Variants in AUTS2 observed in about 807,000 individuals in gnomAD.
The protein encoded by AUTS2 is activator of transcription and developmental regulator AUTS2, also known as autism susceptibility gene 2 protein.
AUTS2 carries 17 observed loss-of-function variants against 112.4 expected under a neutral mutation model. The ratio of observed to expected loss-of-function variants is 0.15; its 90% CI spans 0.10 to 0.23. AUTS2 has a LOEUF of 0.23. AUTS2 is among the 10% of genes least tolerant of loss of function. AUTS2 has a pLI of 1.00. For missense variants in AUTS2, 1,510 were observed against 1,701.6 expected (o/e 0.89, Z 1.98); for synonymous variants, 751 against 702.7 (o/e 1.07, Z -1.09).
chr7:69,817,258 G>A (rs937759936), intron 1 of AUTS2, among the ~76,000 whole-genome samples: 2 of 152,198 alleles, frequency 1.3e-5, no homozygotes, highest in Non-Finnish European at 2.9e-5. Context: ...GAAGCTTGAA[G>A]GATGAACAGC....
At chr7:70,565,047 G>A (rs1295898205) in intron 5 of AUTS2, among the ~76,000 whole-genome samples, 11 of 152,094 alleles carry the variant, frequency 7.2e-5, no homozygotes, top group Admixed American at 3.3e-4. Context: ...GCAGTGAGCC[G>A]AGGTCGTGCC....
At chr7:70,743,468 C>CA (rs35444664) in intron 6 of AUTS2, among the ~76,000 whole-genome samples, 9,241 of 71,050 alleles carry the variant, frequency 0.13, 783 homozygotes, top group East Asian at 0.24. Context: ...GACTCTGTCT[C>CA]AAAAAAAAAA....
chr7:69,650,343 T>C (rs1208827269), intron 1 of AUTS2, among the ~76,000 whole-genome samples: 1 of 152,196 alleles, frequency 6.6e-6, no homozygotes, highest in Non-Finnish European at 1.5e-5. Context: ...ATTTTAGATA[T>C]ACTTTCTCAA....
chr7:69,715,139 C>A (rs1376271109), intron 1 of AUTS2, among the ~76,000 whole-genome samples: 2 of 150,920 alleles, frequency 1.3e-5, no homozygotes, highest in African/African-American at 2.4e-5. Context: ...CCTGAGAAAT[C>A]CCTCACTTAG....
At chr7:69,824,142 G>A (rs1305423960) in intron 1 of AUTS2, among the ~76,000 whole-genome samples, 1 of 151,884 alleles carries the variant, frequency 6.6e-6, no homozygotes, top group Non-Finnish European at 1.5e-5. Flanking sequence ...GGCTGGGCAC[G>A]GTGGCTCACG....
Position 70,784,969 on chromosome 7 carries a change from T to C in AUTS2, c.2174T>C (p.Phe725Ser), listed in dbSNP as rs1352802517. 13 of 1,614,136 alleles carry C rather than the reference T, an allele frequency of 8.1e-6. No individual in the cohort carries two copies. The highest frequency in any genetic ancestry group is 1.1e-5 in the Non-Finnish European group (13 of 1,180,028). ...AGAAHPTGTP[F>S]GPPPHHSNFL... Reference sequence around the variant, plus strand: ...GCTGCACACCCAACTGGGACCCCTTTTGGGCCACCTCCTCATCACAGCAAC... The same window carrying C: ...GCTGCACACCCAACTGGGACCCCTTCTGGGCCACCTCCTCATCACAGCAAC... Residue 725 changes from phenylalanine (F) to serine (S), a missense_variant, in exon 16 of 19, where the codon TTT (phenylalanine) becomes TCT (serine). Phe to Ser is a radical substitution (Grantham distance 155). Transcript: ENST00000342771.
chr7:69,997,738 C>G (rs1225828047), intron 2 of AUTS2, among the ~76,000 whole-genome samples: 1 of 152,114 alleles, frequency 6.6e-6, no homozygotes, highest in African/African-American at 2.4e-5. Context: ...GAACACCAAG[C>G]CATTCATGAA....
At chr7:70,592,518 T>A (rs1234855483) in intron 5 of AUTS2, among the ~76,000 whole-genome samples, 3 of 152,036 alleles carry the variant, frequency 2.0e-5, no homozygotes, top group African/African-American at 7.2e-5. Context: ...TGTGCCACCA[T>A]ACCCAGTTAA....
At chr7:70,538,257 G>A (rs1800403685) in intron 5 of AUTS2, among the ~76,000 whole-genome samples, 1 of 152,118 alleles carries the variant, frequency 6.6e-6, no homozygotes, top group Non-Finnish European at 1.5e-5. Flanking sequence ...TCCAGGCGTG[G>A]TGGCTCATGC....
chr7:70,791,153 A>G lies in AUTS2; in HGVS notation c.*157A>G, dbSNP rs771233407. ...GTATAGACTCAGTGCACATTTTGAAATGTTTTGTATATTATATGTTGAGAT... is the reference window on the plus strand; with the variant it reads ...GTATAGACTCAGTGCACATTTTGAAGTGTTTTGTATATTATATGTTGAGAT... On this transcript the variant is annotated 3_prime_UTR_variant, in exon 19 of 19. Transcript: ENST00000342771. The G allele has an allele frequency of 3.3e-5, 22 of 672,192 alleles. No individual in the cohort carries two copies. The Admixed American group carries it at 7.1e-4, about 22-fold the overall frequency. 41.6% of individuals were successfully genotyped at this position (672,192 alleles called of 1,614,324 possible).
chr7:70,132,314 G>T (rs1018217681), intron 3 of AUTS2, among the ~76,000 whole-genome samples: 1 of 151,854 alleles, frequency 6.6e-6, no homozygotes, highest in Non-Finnish European at 1.5e-5. Flanking sequence ...GTGTTCCCTC[G>T]TGTGTCTGTG....
At chr7:70,310,567 C>A (rs902861734) in intron 4 of AUTS2, among the ~76,000 whole-genome samples, 1 of 150,658 alleles carries the variant, frequency 6.6e-6, no homozygotes, top group East Asian at 2.0e-4. Context: ...GAGCAGAGGT[C>A]GAGCCACTGC....
At chr7:70,737,763 A>AG (rs1487732216) in intron 6 of AUTS2, among the ~76,000 whole-genome samples, 2 of 152,166 alleles carry the variant, frequency 1.3e-5, no homozygotes, top group Non-Finnish European at 2.9e-5. Flanking sequence ...AGGAGGAGCC[A>AG]GGGGGGTGAA....
At chr7:70,184,550 G>A (rs1474364437) in intron 4 of AUTS2, among the ~76,000 whole-genome samples, 1 of 152,194 alleles carries the variant, frequency 6.6e-6, no homozygotes, top group Non-Finnish European at 1.5e-5. Context: ...ATTATGGTCA[G>A]TATATATATT....
chr7:70,019,447 A>C (rs896405334), intron 2 of AUTS2, among the ~76,000 whole-genome samples: 4 of 152,212 alleles, frequency 2.6e-5, no homozygotes, highest in Non-Finnish European at 4.4e-5. Context: ...AAAAACCAAA[A>C]TACTTACTTT....
chr7:69,701,885 C>T (rs1002327624), intron 1 of AUTS2, among the ~76,000 whole-genome samples: 5 of 152,190 alleles, frequency 3.3e-5, no homozygotes, highest in African/African-American at 7.2e-5. Flanking sequence ...TGAATCTCCA[C>T]GTGCTTCCCT....
At chr7:69,953,208 A>G (rs1402665330) in intron 2 of AUTS2, among the ~76,000 whole-genome samples, 1 of 152,136 alleles carries the variant, frequency 6.6e-6, no homozygotes, top group Non-Finnish European at 1.5e-5. Flanking sequence ...GAGGAGTTAA[A>G]GTAATTCCCT....
At chr7:69,607,248 C>A (rs1452635814) in intron 1 of AUTS2, among the ~76,000 whole-genome samples, 1 of 152,126 alleles carries the variant, frequency 6.6e-6, no homozygotes, top group Non-Finnish European at 1.5e-5. Context: ...GTGTTTATTT[C>A]ATATATTAGT....
intron 1 of AUTS2, among the ~76,000 whole-genome samples, chr7:69,795,978 C>T (rs1006745275): frequency 1.3e-5 from 2 of 152,144 alleles, no homozygotes; most frequent in African/African-American, 2.4e-5. Flanking sequence ...ACATAGTTAC[C>T]TCGATTAAAA....
Sources: gnomAD v4.1 joint callset for allele counts (sites outside exome capture counted in the v4.1 genomes callset) on GRCh38, gnomAD v4.1.1 for gene constraint, MANE v1.5 for transcripts, NCBI Gene and HGNC (gene_info 2026-07-23, HGNC 2026-07-21) for gene names.